Variants in DTNBP1 observed in about 807,000 individuals in gnomAD.
DTNBP1 encodes the protein dystrobrevin binding protein 1.
A neutral mutation model predicts 42.8 loss-of-function variants in DTNBP1; 35 were observed. The ratio of observed to expected loss-of-function variants is 0.82; its 90% CI spans 0.63 to 1.09. The LOEUF is 1.09. Among genes scored for constraint, DTNBP1 ranks in the 50% least tolerant of loss-of-function variants. DTNBP1 has a pLI of 0.00. For synonymous variants in DTNBP1, 171 were observed against 162.2 expected (o/e 1.05, Z -0.41); for missense variants, 457 against 424.2 (o/e 1.08, Z -0.68).
At chr6:15,527,105 A>G (rs959495644) in intron 8 of DTNBP1, among the ~76,000 whole-genome samples, 10 of 152,254 alleles carry the variant, frequency 6.6e-5, no homozygotes, top group African/African-American at 2.4e-4. Context: ...ATTAATATCA[A>G]AATAGATTTT....
chr6:15,523,188 A>G lies in DTNBP1; in HGVS notation c.843T>C (p.Ile281=), dbSNP rs1168451371. Residue 281 remains isoleucine (I), a synonymous_variant, in exon 10 of 10, where the codon ATT becomes ATC. Transcript: ENST00000344537. ...GPESSTCQNE[I]TLQVPNPSEL... The stretch of plus-strand genomic sequence containing the variant: ...CTGAGGGATTTGGAACCTGGAGGGT[A>G]ATCTCATTCTGACAGGTACTGGATT... 1 of 1,614,242 alleles carries G rather than the reference A, an allele frequency of 6.2e-7. No homozygotes were observed. The highest frequency in any genetic ancestry group is 1.7e-5 in the Admixed American group (1 of 60,036).
intron 7 of DTNBP1, among the ~76,000 whole-genome samples, chr6:15,585,064 AATATATATATATATATATATATAT>A (rs59261831): frequency 0.042 from 4,972 of 119,566 alleles, 257 homozygotes; most frequent in Non-Finnish European, 0.053. Flanking sequence ...TTATGAAAAG[AATATATATATATATATATATATAT>A]ATATATATAT....
At chr6:15,607,302 A>G (rs540216302) in intron 6 of DTNBP1, among the ~76,000 whole-genome samples, 2 of 146,952 alleles carry the variant, frequency 1.4e-5, no homozygotes, top group South Asian at 4.3e-4. Context: ...CCCGGCCAAA[A>G]TATTTCTTTG....
chr6:15,542,727 T>C (rs1773648080), intron 7 of DTNBP1, among the ~76,000 whole-genome samples: 1 of 151,804 alleles, frequency 6.6e-6, no homozygotes, highest in African/African-American at 2.4e-5. Flanking sequence ...AGTCTCACTC[T>C]ATTGCCCAGG....
chr6:15,662,725 C>A (rs1486450249), intron 1 of DTNBP1, 89 bp downstream of exon 1: 3 of 1,565,602 alleles, frequency 1.9e-6, no homozygotes, highest in African/African-American at 2.7e-5. Context: ...GACCCTGGAC[C>A]GTGGCGCGGG....
chr6:15,581,023 T>C (rs1197248826), intron 7 of DTNBP1, among the ~76,000 whole-genome samples: 1 of 152,140 alleles, frequency 6.6e-6, no homozygotes, highest in Non-Finnish European at 1.5e-5. Context: ...AGAAGGTTGG[T>C]AGAGAGTGTG....
At chr6:15,568,696 T>G (rs1179006413) in intron 7 of DTNBP1, among the ~76,000 whole-genome samples, 2 of 152,250 alleles carry the variant, frequency 1.3e-5, no homozygotes, top group Non-Finnish European at 2.9e-5. Context: ...ATCTTCATAA[T>G]GGTCCACTTC....
Position 15,609,168 on chromosome 6 carries a change from CT to C in DTNBP1, c.488+6098del, listed in dbSNP as rs200792425. Among the ~76,000 whole-genome samples the C allele has an allele frequency of 6.8e-3, 977 of 142,718 alleles. 5 individuals carry two copies. Among genetic ancestry groups the C allele is most frequent in the Middle Eastern group, 0.018 (5 of 282 alleles). The allele number at this position is 142,718 out of a possible 152,430, so 93.6% of individuals were successfully genotyped here. On this transcript the variant is annotated intron_variant, in intron 6 of 9. Transcript: ENST00000344537. ...TGAAATTTTCTACTTTTGCTACCTT[CT>C]TTTTTTTTTTTTAATACTTTTAAGT...
intron 4 of DTNBP1, among the ~76,000 whole-genome samples, chr6:15,631,054 TAAAC>T (rs1390644166): frequency 6.6e-6 from 1 of 152,212 alleles, no homozygotes; most frequent in African/African-American, 2.4e-5. Context: ...AATAATTTGT[TAAAC>T]AAGATGGAAT....
intron 2 of DTNBP1, 164 bp from the exon 3 acceptor site, chr6:15,651,527 G>A (rs1358620037): frequency 2.2e-6 from 2 of 907,758 alleles, no homozygotes; most frequent in East Asian, 2.7e-5. Context: ...CAGAGTTAAT[G>A]TACTGTATGT....
intron 4 of DTNBP1, among the ~76,000 whole-genome samples, chr6:15,635,433 C>T (rs955431020): frequency 2.0e-4 from 30 of 152,042 alleles, no homozygotes; most frequent in African/African-American, 6.3e-4. Context: ...TCTGTAGCTC[C>T]AGTATGAGGT....
chr6:15,554,875 T>C (rs1182369161), intron 7 of DTNBP1, among the ~76,000 whole-genome samples: 1 of 151,952 alleles, frequency 6.6e-6, no homozygotes, highest in African/African-American at 2.4e-5. Context: ...CATTCCGTGG[T>C]CGGTGGTCTC....
chr6:15,527,019 A>G (rs1157383839), intron 8 of DTNBP1, among the ~76,000 whole-genome samples: 1 of 152,256 alleles, frequency 6.6e-6, no homozygotes, highest in East Asian at 1.9e-4. Context: ...AGACACAGAA[A>G]CATGCAAATG....
At position 15,629,840 on chromosome 6, in the gene DTNBP1, T is replaced by G. The variant is rs149022664; in HGVS notation, c.223-2365A>C. Reference sequence around the variant, plus strand: ...GGAATTTGACAGTAAGCCTATGCCCTTAATCAACCTACTAGGGATTGTGCT... The same window carrying G: ...GGAATTTGACAGTAAGCCTATGCCCGTAATCAACCTACTAGGGATTGTGCT... On this transcript the variant is annotated intron_variant, in intron 4 of 9. Coordinates refer to ENST00000344537, the MANE Select transcript of DTNBP1 (RefSeq NM_032122.5). 4.7e-3 allele frequency among the ~76,000 whole-genome samples: 718 copies of G among 152,218 alleles called. 6 individuals carry two copies. The highest frequency in any genetic ancestry group is 0.017 in the African/African-American group (691 of 41,520).
intron 3 of DTNBP1, among the ~76,000 whole-genome samples, chr6:15,644,175 TA>T (rs35859847): frequency 0.28 from 37,142 of 131,932 alleles, 4,882 homozygotes; most frequent in African/African-American, 0.32. Context: ...CAAGAACAGT[TA>T]AAAAAAAAAA....
chr6:15,631,941 A>C (rs1759720205), intron 4 of DTNBP1, among the ~76,000 whole-genome samples: 1 of 152,218 alleles, frequency 6.6e-6, no homozygotes, highest in Admixed American at 6.5e-5. Context: ...ATCTGCAAAT[A>C]ATGACCATCT....
At chr6:15,524,168 C>T (rs763134570) in intron 9 of DTNBP1, 58 of 1,436,696 alleles carry the variant, frequency 4.0e-5, no homozygotes, top group African/African-American at 2.3e-4. Flanking sequence ...AAGAGTTTCC[C>T]GTGAGCCCCG....
intron 7 of DTNBP1, among the ~76,000 whole-genome samples, chr6:15,571,173 C>T (rs1775323964): frequency 6.6e-6 from 1 of 152,122 alleles, no homozygotes; most frequent in Non-Finnish European, 1.5e-5. Flanking sequence ...TTCCACTGGC[C>T]ATTTGTTGAT....
At chr6:15,656,968 C>T (rs1761320605) in intron 1 of DTNBP1, among the ~76,000 whole-genome samples, 1 of 152,144 alleles carries the variant, frequency 6.6e-6, no homozygotes, top group African/African-American at 2.4e-5. Flanking sequence ...CATATTTTGT[C>T]ATAAGGCACA....
Sources: gnomAD v4.1 joint callset for allele counts (sites outside exome capture counted in the v4.1 genomes callset) on GRCh38, gnomAD v4.1.1 for gene constraint, MANE v1.5 for transcripts, NCBI Gene and HGNC (gene_info 2026-07-23, HGNC 2026-07-21) for gene names.